Variants in NUMA1 observed in about 807,000 individuals in gnomAD.
NUMA1 encodes the protein nuclear mitotic apparatus protein 1.
In NUMA1, 62 loss-of-function variants were observed where a neutral mutation model predicts 237.1. The ratio of observed to expected loss-of-function variants is 0.26; its 90% CI spans 0.21 to 0.32. The LOEUF is 0.32. Among genes scored for constraint, NUMA1 ranks in the 10% least tolerant of loss-of-function variants. The probability of loss-of-function intolerance (pLI) is 1.00; values close to 1 mark genes in which losing one functional copy is unlikely to be tolerated. For missense variants in NUMA1, 2,533 were observed against 2,666.5 expected (o/e 0.95, Z 1.10); for synonymous variants, 1,028 against 1,066.1 (o/e 0.96, Z 0.70).
At chr11:72,006,475 T>C (rs1400350355) in intron 21 of NUMA1, among the ~76,000 whole-genome samples, 3 of 152,160 alleles carry the variant, frequency 2.0e-5, no homozygotes, top group Admixed American at 2.0e-4. Flanking sequence ...CTTCTACGCA[T>C]TTTTTTCATG....
chr11:72,020,007 G>A (rs1938532327), intron 8 of NUMA1, among the ~76,000 whole-genome samples: 1 of 152,276 alleles, frequency 6.6e-6, no homozygotes, highest in East Asian at 1.9e-4. Flanking sequence ...AGAGCCATTG[G>A]CCACCATTTG....
In NUMA1 at chr11:72,008,095, A is replaced by G. The variant is rs140525523; in HGVS notation, c.5216+593T>C. 2.0e-4 allele frequency: 97 copies of G among 478,490 alleles called. 1 individual carries two copies. In the East Asian group the frequency reaches 3.0e-3, roughly 15 times the overall value. The allele number at this position is 478,490 out of a possible 1,614,324, so 29.6% of individuals were successfully genotyped here. A position where few individuals can be genotyped will look rare whatever the true frequency, so the allele number is the denominator to read the frequency against. The stretch of plus-strand genomic sequence containing the variant: ...AAAGGAGACAGAATAAACCTACCTC[A>G]GAGGGTTGTTGGGGGACAAATCAGG... On this transcript the variant is annotated intron_variant, in intron 20 of 26. Coordinates refer to ENST00000393695, the MANE Select transcript of NUMA1 (RefSeq NM_006185.4).
At chr11:72,021,348 C>A in intron 7 of NUMA1, 57 bp from the exon 8 acceptor site, 1 of 1,479,592 alleles carries the variant, frequency 6.8e-7, no homozygotes. Context: ...GAAGGGATGG[C>A]TGCCAGGAGC....
At chr11:72,044,812 C>G (rs1400822775) in intron 2 of NUMA1, among the ~76,000 whole-genome samples, 1 of 151,842 alleles carries the variant, frequency 6.6e-6, no homozygotes, top group Non-Finnish European at 1.5e-5. Context: ...AGATTACAGG[C>G]ACCTGCCACC....
In NUMA1 at chr11:72,013,584, C is replaced by T. The variant is rs772276102; in HGVS notation, c.3919G>A (p.Ala1307Thr). The change falls in exon 15 of 27, where the codon GCT (alanine) becomes ACT (threonine). Residue 1307 changes from alanine to threonine, a missense_variant. Physicochemically the swap from Ala to Thr is moderately conservative, Grantham distance 58. Around this residue, in one of 3 missense-constraint regions of NUMA1, gnomAD observed 324 missense variants for 407.6 expected, o/e 0.79. Transcript: ENST00000393695. The surrounding 1 kb of genome is among the most constrained non-coding windows in gnomAD (Gnocchi z 6.8). ...LREEAEKQRV[A>T]SENLRQELTS... Reference sequence around the variant, plus strand: ...AGCTCCTGCCGCAGGTTCTCTGAAGCCACCCGCTGTTTCTCAGCCTCCTCC... The same window carrying T: ...AGCTCCTGCCGCAGGTTCTCTGAAGTCACCCGCTGTTTCTCAGCCTCCTCC... 2 of 1,612,910 alleles carry T rather than the reference C, an allele frequency of 1.2e-6. No individual in the cohort carries two copies. Among genetic ancestry groups the T allele is most frequent in the South Asian group, 2.2e-5 (2 of 91,084 alleles).
intron 17 of NUMA1, among the ~76,000 whole-genome samples, chr11:72,010,311 T>C (rs984799663): frequency 6.6e-6 from 1 of 152,204 alleles, no homozygotes; most frequent in Admixed American, 6.5e-5. Flanking sequence ...GTTGAAAGCA[T>C]TAAGAATGTT....
At position 72,004,766 on chromosome 11, in the gene NUMA1, G is replaced by T. The variant is rs1401873353; in HGVS notation, c.5880C>A (p.Asp1960Glu). The T allele has an allele frequency of 3.7e-6, 6 of 1,602,102 alleles. No individual in the cohort carries two copies. The highest frequency in any genetic ancestry group is 5.1e-6 in the Non-Finnish European group (6 of 1,175,332). The part of the protein sequence containing the change: ...TITDEEMKTG[D>E]PQETLRRASM... The stretch of plus-strand genomic sequence containing the variant: ...TGGCTCGGCGCAGGGTCTCTTGGGG[G>T]TCTCCAGTTTTCATCTCCTCATCTG... Residue 1960 changes from aspartate to glutamate, a missense_variant, in exon 24 of 27, where the codon GAC becomes GAA. Asp to Glu is a conservative substitution (Grantham distance 45). Coordinates refer to ENST00000393695, the MANE Select transcript of NUMA1 (RefSeq NM_006185.4).
intron 4 of NUMA1, 149 bp downstream of exon 4, chr11:72,029,056 G>A (rs1245867384): frequency 3.6e-6 from 2 of 563,336 alleles, no homozygotes; most frequent in African/African-American, 1.9e-5. Context: ...ATGTATTCTT[G>A]CCTTTAGGCC....
chr11:72,004,451 G>A, intron 24 of NUMA1, 110 bp from the exon 25 acceptor site: 1 of 1,224,966 alleles, frequency 8.2e-7, no homozygotes, highest in Non-Finnish European at 1.2e-6. Context: ...CGTGCAACCT[G>A]CTCCCCTTCC....
In NUMA1 at chr11:72,011,767, A is replaced by G. The variant is rs552509358; in HGVS notation, c.4650+634T>C. Among the ~76,000 whole-genome samples the G allele has an allele frequency of 6.2e-4, 94 of 152,118 alleles. 1 individual carries two copies. The highest frequency in any genetic ancestry group is 2.1e-3 in the African/African-American group (85 of 41,448). On this transcript the variant is annotated intron_variant, in intron 16 of 26. Coordinates refer to ENST00000393695, the MANE Select transcript of NUMA1 (RefSeq NM_006185.4). ...AACACAGAGATGATTCCCATGAGAA[A>G]GAGGCAGCCAGACCATGTGACCCCC...
intron 20 of NUMA1, 141 bp downstream of exon 20, chr11:72,008,547 G>C (rs544119817): frequency 5.3e-6 from 5 of 938,826 alleles, no homozygotes; most frequent in African/African-American, 4.9e-5. Context: ...GCCCTAAATA[G>C]ATATCTGGTA....
At position 72,015,888 on chromosome 11, in the gene NUMA1, G is replaced by A; in HGVS notation, c.1615C>T (p.Leu539Phe). Residue 539 changes from leucine to phenylalanine, a missense_variant, in exon 15 of 27, where the codon CTC (leucine) becomes TTC (phenylalanine). This residue lies in a region of NUMA1 where 1,414 missense variants were observed against 1,508.1 expected (regional missense o/e 0.94). Transcript: ENST00000393695. This position sits in a 1 kb window ranked among gnomAD's most constrained non-coding sequence, Gnocchi z 4.0. ...KEKQAQLAQT[L>F]QQQEQASQGL... The stretch of plus-strand genomic sequence containing the variant: ...TGGGAGGCCTGTTCTTGCTGTTGGA[G>A]GGTCTGTGCTAGCTGGGCCTGCTTC... 1.9e-6 allele frequency: 3 copies of A among 1,614,040 alleles called. No individual in the cohort carries two copies. Among genetic ancestry groups the A allele is most frequent in the Non-Finnish European group, 2.5e-6 (3 of 1,180,006 alleles).
chr11:72,073,449 T>C (rs1591091350), intron 1 of NUMA1, among the ~76,000 whole-genome samples: 1 of 152,308 alleles, frequency 6.6e-6, no homozygotes, highest in African/African-American at 2.4e-5. Flanking sequence ...GATGACTCTA[T>C]GCCCCACCTT....
chr11:72,077,238 G>C (rs1351525565), intron 1 of NUMA1, among the ~76,000 whole-genome samples: 1 of 152,164 alleles, frequency 6.6e-6, no homozygotes, highest in Non-Finnish European at 1.5e-5. Flanking sequence ...TTAGTGAAAA[G>C]ATATGAAATT....
chr11:72,005,115 C>T (rs1358133044), intron 23 of NUMA1, 118 bp downstream of exon 23: 3 of 1,198,670 alleles, frequency 2.5e-6, no homozygotes, highest in Non-Finnish European at 2.3e-6. Context: ...GAGAAGGTCA[C>T]CCTCCCCCTC....
chr11:72,060,656 G>GCA (rs1942890789), intron 2 of NUMA1, among the ~76,000 whole-genome samples: 2 of 151,630 alleles, frequency 1.3e-5, no homozygotes, highest in African/African-American at 4.8e-5. Flanking sequence ...AAAACAAAAC[G>GCA]CACACACACA....
intron 2 of NUMA1, among the ~76,000 whole-genome samples, chr11:72,061,569 C>G (rs1182519357): frequency 6.9e-6 from 1 of 145,784 alleles, no homozygotes; most frequent in Non-Finnish European, 1.5e-5. Flanking sequence ...CAGTTTACCA[C>G]AGCCTCAACC....
At chr11:72,063,777 T>C (rs1943070859) in intron 2 of NUMA1, among the ~76,000 whole-genome samples, 1 of 151,174 alleles carries the variant, frequency 6.6e-6, no homozygotes, top group African/African-American at 2.4e-5. Context: ...ATTAGCCAGG[T>C]GTGGTGGCAT....
chr11:72,010,791 G>C lies in NUMA1; in HGVS notation c.4714C>G (p.Leu1572Val). 6.2e-7 allele frequency: 1 copy of C among 1,613,276 alleles called. No individual in the cohort carries two copies. Among genetic ancestry groups the C allele is most frequent in the South Asian group, 1.1e-5 (1 of 91,038 alleles). Residue 1572 changes from leucine (L) to valine (V), a missense_variant, in exon 17 of 27, where the codon CTG becomes GTG. By Grantham distance (32) the Leu-to-Val change is conservative. Coordinates refer to ENST00000393695, the MANE Select transcript of NUMA1 (RefSeq NM_006185.4). ...DQASKVQQQK[L>V]KAVQAQGGES... ...CATTCCCCCAGCTGCCCCACCTTCA[G>C]CTTCTGCTGCTGCACCTTGCTGGCT...
Sources: gnomAD v4.1 joint callset for allele counts (sites outside exome capture counted in the v4.1 genomes callset) on GRCh38, gnomAD v4.1.1 for gene constraint, gnomAD v4.1.1 regional missense constraint, Gnocchi (gnomAD v3.1) non-coding constraint, MANE v1.5 for transcripts, NCBI Gene and HGNC (gene_info 2026-07-23, HGNC 2026-07-21) for gene names.